Variants in VCL observed in about 807,000 individuals in gnomAD.
VCL encodes epididymis luminal protein 114.
In VCL, 47 loss-of-function variants were observed where a neutral mutation model predicts 125.7. The ratio of observed to expected loss-of-function variants is 0.37; its 90% CI spans 0.30 to 0.48. The LOEUF (loss-of-function observed/expected upper bound fraction) is 0.48. VCL is among the 20% of genes least tolerant of loss of function. The pLI is 0.99. For missense variants in VCL, 1,069 were observed against 1,455.5 expected (o/e 0.73, Z 4.32); for synonymous variants, 458 against 514.6 (o/e 0.89, Z 1.49).
At chr10:74,024,189 G>A (rs141189254) in intron 1 of VCL, among the ~76,000 whole-genome samples, 100 of 152,284 alleles carry the variant, frequency 6.6e-4, no homozygotes, top group African/African-American at 2.3e-3. Context: ...GATTTTGCTT[G>A]TAGCCTTAAT....
chr10:74,012,739 C>T (rs1457471572), intron 1 of VCL, among the ~76,000 whole-genome samples: 1 of 152,090 alleles, frequency 6.6e-6, no homozygotes, highest in Admixed American at 6.6e-5. Context: ...TTGTGGCTGC[C>T]CAAACTCACT....
intron 2 of VCL, among the ~76,000 whole-genome samples, chr10:74,049,804 C>T (rs1325876994): frequency 2.0e-5 from 3 of 152,180 alleles, no homozygotes; most frequent in Non-Finnish European, 4.4e-5. Context: ...TAACCAAATA[C>T]AGAAGGAATA....
chr10:74,095,921 AAG>A (rs1465586143), intron 12 of VCL, 66 bp downstream of exon 12: 1 of 1,572,214 alleles, frequency 6.4e-7, no homozygotes, highest in African/African-American at 1.3e-5. Context: ...CGAGGGAAGG[AAG>A]AGAGAGTTTT....
intron 1 of VCL, among the ~76,000 whole-genome samples, chr10:74,035,152 T>C (rs1411268156): frequency 6.6e-6 from 1 of 152,226 alleles, no homozygotes; most frequent in Non-Finnish European, 1.5e-5. Flanking sequence ...AGCTTTGTTT[T>C]GTCTTTCTGT....
At chr10:74,015,531 ACT>A (rs964911293) in intron 1 of VCL, among the ~76,000 whole-genome samples, 2 of 150,892 alleles carry the variant, frequency 1.3e-5, no homozygotes, top group Admixed American at 6.6e-5. Context: ...ACAGAGGGAA[ACT>A]CTGTCTCCAA....
intron 6 of VCL, among the ~76,000 whole-genome samples, chr10:74,081,514 T>G (rs948101536): frequency 6.6e-6 from 1 of 152,222 alleles, no homozygotes; most frequent in African/African-American, 2.4e-5. Flanking sequence ...CTTTGATGGC[T>G]TAACTCTGTA....
intron 21 of VCL, among the ~76,000 whole-genome samples, chr10:74,116,991 T>G (rs1419028117): frequency 6.6e-6 from 1 of 152,204 alleles, no homozygotes; most frequent in African/African-American, 2.4e-5. Context: ...CAAGAATTAC[T>G]GAGCTGATGA....
intron 19 of VCL, among the ~76,000 whole-genome samples, chr10:74,112,396 C>G (rs912902128): frequency 1.3e-5 from 2 of 152,170 alleles, no homozygotes; most frequent in Non-Finnish European, 2.9e-5. Context: ...TCGCTGGAAA[C>G]CCCTTGGGAA....
chr10:74,041,737 C>CA (rs397969218), intron 1 of VCL, among the ~76,000 whole-genome samples: 50,566 of 136,700 alleles, frequency 0.37, 10,145 homozygotes, highest in Non-Finnish European at 0.49. Flanking sequence ...ACTAAAAATC[C>CA]AAAAAAAAAA....
intron 12 of VCL, among the ~76,000 whole-genome samples, chr10:74,096,210 C>G (rs1839966824): frequency 6.7e-6 from 1 of 148,356 alleles, no homozygotes; most frequent in South Asian, 2.1e-4. Context: ...AGAGAAAACT[C>G]TGTGGGCCGG....
rs532080070 is a variant in VCL, at chr10:74,036,507, G to T, written c.169-6576G>T. ...GTGAGCCACCGTGCCCAGCCACTCT[G>T]TTTTTTTTTAACCCTTTAATCCATA... On this transcript the variant is annotated intron_variant, in intron 1 of 21. Transcript: ENST00000211998. Among the ~76,000 whole-genome samples the T allele has an allele frequency of 2.0e-5, 3 of 151,138 alleles. No individual in the cohort carries two copies. In the East Asian group the frequency reaches 5.8e-4, roughly 29 times the overall value.
intron 1 of VCL, among the ~76,000 whole-genome samples, chr10:74,037,426 A>G (rs1014763525): frequency 6.6e-6 from 1 of 152,186 alleles, no homozygotes; most frequent in African/African-American, 2.4e-5. Context: ...AGATCTTTAC[A>G]AAGTGGTTCT....
chr10:74,013,670 G>T (rs1840479462), intron 1 of VCL, among the ~76,000 whole-genome samples: 1 of 152,002 alleles, frequency 6.6e-6, no homozygotes, highest in Admixed American at 6.6e-5. Flanking sequence ...TAACATTGGG[G>T]AAGTTATTTA....
At chr10:74,017,561 T>C (rs552238447) in intron 1 of VCL, among the ~76,000 whole-genome samples, 66 of 151,204 alleles carry the variant, frequency 4.4e-4, no homozygotes, top group African/African-American at 1.2e-3. Flanking sequence ...TTCTTTCTTT[T>C]TTTTTTTTTG....
At chr10:74,068,015 C>CT (rs1322082832) in intron 2 of VCL, among the ~76,000 whole-genome samples, 2 of 152,164 alleles carry the variant, frequency 1.3e-5, no homozygotes, top group Non-Finnish European at 2.9e-5. Flanking sequence ...TGAAAAGAAA[C>CT]TATGTTTGGA....
chr10:74,025,866 A>C (rs1308001339), intron 1 of VCL, among the ~76,000 whole-genome samples: 1 of 152,198 alleles, frequency 6.6e-6, no homozygotes, highest in Non-Finnish European at 1.5e-5. Flanking sequence ...AGTGAGGTTA[A>C]GAGTGGAAGT....
chr10:74,022,323 A>T (rs1305838562), intron 1 of VCL, among the ~76,000 whole-genome samples: 1 of 152,050 alleles, frequency 6.6e-6, no homozygotes, highest in Non-Finnish European at 1.5e-5. Flanking sequence ...AGGTGGGTGG[A>T]TCACCTGAGG....
At chr10:74,087,022 A>G (rs1020998586) in intron 8 of VCL, among the ~76,000 whole-genome samples, 2 of 152,192 alleles carry the variant, frequency 1.3e-5, no homozygotes, top group African/African-American at 4.8e-5. Flanking sequence ...TTTTTAAAAA[A>G]AAAATTTCTA....
intron 5 of VCL, among the ~76,000 whole-genome samples, chr10:74,073,518 ATAAT>A (rs1187576741): frequency 1.4e-4 from 22 of 152,252 alleles, no homozygotes; most frequent in African/African-American, 5.3e-4. Flanking sequence ...TTATAGAAAA[ATAAT>A]TAGGAGCTGG....
Sources: allele counts gnomAD v4.1 joint callset (sites outside exome capture counted in the v4.1 genomes callset), GRCh38; gene constraint gnomAD v4.1.1; transcripts MANE v1.5; gene names NCBI Gene and HGNC (gene_info 2026-07-23, HGNC 2026-07-21).